SPIRE1: variants seen among roughly 807,000 people sequenced by gnomAD.
The protein encoded by SPIRE1 is protein spire homolog 1.
Under a neutral mutation model 94.1 loss-of-function variants are expected in SPIRE1, and 40 were observed. That is an observed-to-expected ratio of 0.43 (90% CI 0.33 to 0.55). The LOEUF (loss-of-function observed/expected upper bound fraction) is 0.55, where lower values mean the gene tolerates loss of function less well. SPIRE1 is among the 20% of genes least tolerant of loss of function. The pLI is 0.06. For synonymous variants in SPIRE1, 376 were observed against 371.7 expected, an observed-to-expected ratio of 1.01 and a Z score of -0.13; for missense variants, 838 against 975.2, an observed-to-expected ratio of 0.86 and a Z score of 1.87.
chr18:12,459,823 A>C, intron 12 of SPIRE1: 1 of 985,860 alleles, frequency 1.0e-6, no homozygotes, highest in Non-Finnish European at 1.2e-6. Context: ...GCTACCCCAA[A>C]CATGGCTGCT....
intron 2 of SPIRE1, among the ~76,000 whole-genome samples, chr18:12,573,526 T>C (rs1346292615): frequency 2.6e-5 from 4 of 152,218 alleles, no homozygotes; most frequent in African/African-American, 7.2e-5. Flanking sequence ...TGAATGTTTA[T>C]AGTCAAACTT....
chr18:12,580,769 C>T (rs2036233840), intron 2 of SPIRE1, among the ~76,000 whole-genome samples: 2 of 152,292 alleles, frequency 1.3e-5, no homozygotes, highest in Middle Eastern at 3.4e-3. Flanking sequence ...GTCTTCAAGG[C>T]CCAGGCATGG....
chr18:12,597,464 T>C (rs183967835), intron 2 of SPIRE1, among the ~76,000 whole-genome samples: 18 of 152,332 alleles, frequency 1.2e-4, no homozygotes, highest in Non-Finnish European at 1.5e-5. Context: ...ACAGCTTTCC[T>C]GTGCCTAACT....
At chr18:12,584,897 A>C (rs997527454) in intron 2 of SPIRE1, among the ~76,000 whole-genome samples, 1 of 152,116 alleles carries the variant, frequency 6.6e-6, no homozygotes, top group Non-Finnish European at 1.5e-5. Flanking sequence ...CTCCTGCCTC[A>C]GCCTCCTGAG....
In SPIRE1 at chr18:12,454,379, A is replaced by G. The variant is rs2031402248; in HGVS notation, c.1743T>C (p.Tyr581=). Residue 581 remains tyrosine (Y), a synonymous_variant, in exon 13 of 17, where the codon TAT becomes TAC. Transcript: ENST00000409402. Reference sequence around the variant, plus strand: ...TTTTCAAGGCGGTGTAGATGTCTTTATACTGTTGGTATTTTTCCAGCTCTG... The same window carrying G: ...TTTTCAAGGCGGTGTAGATGTCTTTGTACTGTTGGTATTTTTCCAGCTCTG... ...VKAELEKYQQ[Y]KDIYTALKKG... The G allele has an allele frequency of 6.2e-7, 1 of 1,611,616 alleles. No individual in the cohort carries two copies. Among genetic ancestry groups the G allele is most frequent in the Non-Finnish European group, 8.5e-7 (1 of 1,179,044 alleles).
chr18:12,629,185 C>A (rs1238589048), intron 2 of SPIRE1, among the ~76,000 whole-genome samples: 1 of 152,058 alleles, frequency 6.6e-6, no homozygotes, highest in Non-Finnish European at 1.5e-5. Context: ...GGGAAAGGGC[C>A]TCTGAGTGCT....
At chr18:12,577,296 C>T (rs1207251873) in intron 2 of SPIRE1, among the ~76,000 whole-genome samples, 4 of 151,912 alleles carry the variant, frequency 2.6e-5, no homozygotes, top group Admixed American at 1.3e-4. Context: ...TACAGGCGCC[C>T]GCCACCACGC....
chr18:12,461,421 T>C (rs2031793475), intron 12 of SPIRE1, among the ~76,000 whole-genome samples: 1 of 145,848 alleles, frequency 6.9e-6, no homozygotes, highest in Admixed American at 6.8e-5. Flanking sequence ...TGTATGTGTG[T>C]GTGTGTGTAT....
intron 2 of SPIRE1, among the ~76,000 whole-genome samples, chr18:12,605,058 G>A (rs1405905142): frequency 6.6e-6 from 1 of 152,196 alleles, no homozygotes; most frequent in Non-Finnish European, 1.5e-5. Context: ...GAGACTGAAA[G>A]GAGAATGGTG....
At chr18:12,465,482 T>C (rs8099288) in intron 10 of SPIRE1, among the ~76,000 whole-genome samples, 1 of 152,046 alleles carries the variant, frequency 6.6e-6, no homozygotes, top group Non-Finnish European at 1.5e-5. Context: ...AGTTTCATCA[T>C]TGTGAAAGAG....
At chr18:12,464,249 T>C (rs1713489029) in intron 11 of SPIRE1, among the ~76,000 whole-genome samples, 1 of 87,124 alleles carries the variant, frequency 1.1e-5, no homozygotes, top group Non-Finnish European at 2.2e-5. Flanking sequence ...TGGGTCCCTA[T>C]AATATCCAAT....
intron 2 of SPIRE1, among the ~76,000 whole-genome samples, chr18:12,632,428 A>C (rs1484199439): frequency 1.3e-5 from 2 of 152,212 alleles, no homozygotes; most frequent in Non-Finnish European, 2.9e-5. Context: ...GCTGTTTTTT[A>C]ATTCCTTCTG....
intron 4 of SPIRE1, among the ~76,000 whole-genome samples, chr18:12,524,982 A>G (rs902649962): frequency 6.8e-6 from 1 of 146,504 alleles, no homozygotes; most frequent in Non-Finnish European, 1.5e-5. Flanking sequence ...TAGGAAGAAG[A>G]AAAAAAAAAA....
At chr18:12,628,621 T>A (rs2037695751) in intron 2 of SPIRE1, among the ~76,000 whole-genome samples, 1 of 152,170 alleles carries the variant, frequency 6.6e-6, no homozygotes, top group Non-Finnish European at 1.5e-5. Context: ...TGGCATTGAA[T>A]CTATAAATTA....
chr18:12,648,179 G>A (rs1302503652), intron 1 of SPIRE1, among the ~76,000 whole-genome samples: 1 of 152,298 alleles, frequency 6.6e-6, no homozygotes, highest in African/African-American at 2.4e-5. Flanking sequence ...CCAGGAGGTG[G>A]TTTAATTACC....
At chr18:12,501,233 G>A (rs1414167165) in intron 6 of SPIRE1, among the ~76,000 whole-genome samples, 2 of 152,126 alleles carry the variant, frequency 1.3e-5, no homozygotes, top group Non-Finnish European at 2.9e-5. Context: ...GAATAGGTAA[G>A]TTCACGGAGA....
intron 8 of SPIRE1, among the ~76,000 whole-genome samples, chr18:12,487,896 T>C (rs1244587667): frequency 6.6e-6 from 1 of 152,158 alleles, no homozygotes; most frequent in African/African-American, 2.4e-5. Flanking sequence ...GAGGATTATC[T>C]ATTTTCACTG....
At chr18:12,517,626 C>T (rs567046521) in intron 4 of SPIRE1, among the ~76,000 whole-genome samples, 1 of 152,280 alleles carries the variant, frequency 6.6e-6, no homozygotes, top group Admixed American at 6.5e-5. Flanking sequence ...ACCCACATGG[C>T]AATTACGCTT....
intron 3 of SPIRE1, among the ~76,000 whole-genome samples, chr18:12,535,954 A>C (rs4797694): frequency 0.11 from 16,904 of 152,118 alleles, 1,131 homozygotes; most frequent in South Asian, 0.18. Context: ...GACTTCATCT[A>C]AAAATAACAA....
Sources: gnomAD v4.1 joint callset for allele counts (sites outside exome capture counted in the v4.1 genomes callset) on GRCh38, gnomAD v4.1.1 for gene constraint, MANE v1.5 for transcripts, NCBI Gene and HGNC (gene_info 2026-07-23, HGNC 2026-07-21) for gene names.